MPPED2: variants seen among roughly 807,000 people sequenced by gnomAD.
MPPED2 encodes the protein metallophosphoesterase domain containing 2, also known as metallophosphoesterase MPPED2.
In MPPED2, 5 loss-of-function variants were observed where a neutral mutation model predicts 33.0. The observed-to-expected ratio is 0.15, with a 90% confidence interval of 0.08 to 0.32. The LOEUF (loss-of-function observed/expected upper bound fraction) is 0.32. Ranked by LOEUF, MPPED2 falls within the 10% of genes least tolerant of loss-of-function variation. The pLI, the probability that MPPED2 is intolerant of heterozygous loss-of-function variation, is 1.00. For synonymous variants in MPPED2, 136 were observed against 141.9 expected (o/e 0.96, Z 0.29); for missense variants, 275 against 372.1 (o/e 0.74, Z 2.15).
intron 4 of MPPED2, among the ~76,000 whole-genome samples, chr11:30,456,194 A>T (rs771132531): frequency 6.6e-6 from 1 of 152,248 alleles, no homozygotes; most frequent in Non-Finnish European, 1.5e-5. Context: ...AATCTGGGAA[A>T]ATTCAACTGG....
chr11:30,459,662 T>G (rs1158290419), intron 4 of MPPED2, among the ~76,000 whole-genome samples: 2 of 152,184 alleles, frequency 1.3e-5, no homozygotes, highest in Non-Finnish European at 2.9e-5. Context: ...TGGTATCATA[T>G]TATTCCAAGA....
intron 3 of MPPED2, among the ~76,000 whole-genome samples, chr11:30,506,528 G>A (rs1230387738): frequency 2.0e-5 from 3 of 152,070 alleles, no homozygotes; most frequent in African/African-American, 4.8e-5. Context: ...CCCCCACAAA[G>A]CCTTTAAAAA....
intron 2 of MPPED2, among the ~76,000 whole-genome samples, chr11:30,553,505 A>T (rs901574239): frequency 1.3e-5 from 2 of 152,218 alleles, no homozygotes. Flanking sequence ...ACAAACAAAC[A>T]ACAAACACGA....
At chr11:30,436,432 G>C (rs1164014843) in intron 4 of MPPED2, among the ~76,000 whole-genome samples, 1 of 152,182 alleles carries the variant, frequency 6.6e-6, no homozygotes, top group Admixed American at 6.5e-5. Flanking sequence ...CTTGGGACCA[G>C]AGTTTAAGAA....
intron 4 of MPPED2, among the ~76,000 whole-genome samples, chr11:30,481,707 T>A (rs1194094883): frequency 6.6e-6 from 1 of 152,104 alleles, no homozygotes; most frequent in Non-Finnish European, 1.5e-5. Context: ...TACCAGGGTG[T>A]CACATTCAGG....
rs1331365853 is a variant in MPPED2 at position 30,414,282 on chromosome 11, T to C, written c.712A>G (p.Thr238Ala). Residue 238 changes from threonine (T) to alanine (A), a missense_variant, in exon 6 of 7, where the codon ACG (threonine) becomes GCG (alanine). Transcript: ENST00000358117. ...TTGGGCCGGACTCGCCTCTGAACCGTGTTTAACAGCTCCACACAGCCCACT... is the reference window on the plus strand; with the variant it reads ...TTGGGCCGGACTCGCCTCTGAACCGCGTTTAACAGCTCCACACAGCCCACT... ...QRVGCVELLN[T>A]VQRRVRPKLH... The C allele has an allele frequency of 1.2e-6, 2 of 1,613,890 alleles. No individual in the cohort carries two copies. Among genetic ancestry groups the C allele is most frequent in the African/African-American group, 2.7e-5 (2 of 74,896 alleles).
intron 6 of MPPED2, among the ~76,000 whole-genome samples, chr11:30,394,600 C>T (rs1947817958): frequency 6.6e-6 from 1 of 152,056 alleles, no homozygotes; most frequent in Non-Finnish European, 1.5e-5. Flanking sequence ...CAACTTTTTA[C>T]CCATTTTTAA....
intron 2 of MPPED2, among the ~76,000 whole-genome samples, chr11:30,539,258 A>G (rs866468903): frequency 6.6e-6 from 1 of 152,268 alleles, no homozygotes; most frequent in Non-Finnish European, 1.5e-5. Context: ...CTATATTTTC[A>G]TCCTTAGTTT....
At chr11:30,389,895 T>G (rs936546233) in intron 6 of MPPED2, among the ~76,000 whole-genome samples, 3 of 152,118 alleles carry the variant, frequency 2.0e-5, no homozygotes, top group Non-Finnish European at 2.9e-5. Context: ...AGAGTACAAG[T>G]TAATGGTCAA....
At chr11:30,553,038 G>A (rs1955791434) in intron 2 of MPPED2, among the ~76,000 whole-genome samples, 1 of 152,106 alleles carries the variant, frequency 6.6e-6, no homozygotes, top group Non-Finnish European at 1.5e-5. Context: ...CCCACGGTGA[G>A]CACAGGGAAG....
chr11:30,525,631 T>C (rs918670871), intron 3 of MPPED2, among the ~76,000 whole-genome samples: 2 of 152,156 alleles, frequency 1.3e-5, no homozygotes, highest in African/African-American at 4.8e-5. Context: ...ACTCAGTGAC[T>C]TCAGCTCTAA....
intron 4 of MPPED2, among the ~76,000 whole-genome samples, chr11:30,472,352 G>C (rs190815250): frequency 0.023 from 3,400 of 150,926 alleles, 143 homozygotes; most frequent in African/African-American, 0.077. Context: ...CAGAACAAGG[G>C]CCTGTCTCGA....
intron 1 of MPPED2, among the ~76,000 whole-genome samples, chr11:30,583,289 A>G (rs1203242944): frequency 6.6e-6 from 1 of 152,030 alleles, no homozygotes; most frequent in African/African-American, 2.4e-5. Flanking sequence ...ATGTATATTT[A>G]GGCAGTAAAA....
At chr11:30,508,952 T>C (rs1252972816) in intron 3 of MPPED2, among the ~76,000 whole-genome samples, 1 of 152,056 alleles carries the variant, frequency 6.6e-6, no homozygotes, top group Admixed American at 6.6e-5. Flanking sequence ...AAGGCCTCAA[T>C]CATTACTTAT....
chr11:30,470,680 C>A (rs1246944025), intron 4 of MPPED2, among the ~76,000 whole-genome samples: 1 of 152,084 alleles, frequency 6.6e-6, no homozygotes, highest in African/African-American at 2.4e-5. Flanking sequence ...ATCATCTGTG[C>A]CCTGAGCTAT....
intron 4 of MPPED2, among the ~76,000 whole-genome samples, chr11:30,467,439 G>T (rs572519918): frequency 6.6e-6 from 1 of 152,170 alleles, no homozygotes; most frequent in East Asian, 1.9e-4. Context: ...GCTTGGGAAG[G>T]GATCCCCAAG....
At chr11:30,395,341 C>T (rs1378508396) in intron 6 of MPPED2, among the ~76,000 whole-genome samples, 1 of 152,034 alleles carries the variant, frequency 6.6e-6, no homozygotes, top group Non-Finnish European at 1.5e-5. Context: ...AACTGAACCC[C>T]AGATAATTTT....
chr11:30,555,543 G>C (rs942784566), intron 2 of MPPED2, among the ~76,000 whole-genome samples: 1 of 152,074 alleles, frequency 6.6e-6, no homozygotes, highest in South Asian at 2.1e-4. Context: ...ACTGAATCAT[G>C]GGGGCAGGTT....
At chr11:30,436,050 C>CTTTTTTTTTTT (rs71060449) in intron 4 of MPPED2, among the ~76,000 whole-genome samples, 2 of 108,462 alleles carry the variant, frequency 1.8e-5, no homozygotes, top group Admixed American at 9.8e-5. Flanking sequence ...AGTTTAGCAT[C>CTTTTTTTTTTT]TTTTTTTTTT....
Sources: gnomAD v4.1 joint callset for allele counts (sites outside exome capture counted in the v4.1 genomes callset) on GRCh38, gnomAD v4.1.1 for gene constraint, MANE v1.5 for transcripts, NCBI Gene and HGNC (gene_info 2026-07-23, HGNC 2026-07-21) for gene names.